The following DSCAM variants were observed in gnomAD, a reference collection of about 807,000 sequenced individuals.
DSCAM encodes the protein DS cell adhesion molecule, also known as cell adhesion molecule DSCAM.
DSCAM carries 47 observed loss-of-function variants against 217.7 expected under a neutral mutation model. That is an observed-to-expected ratio of 0.22 (90% confidence interval 0.17 to 0.28). The LOEUF (loss-of-function observed/expected upper bound fraction) is 0.28, where lower values mean the gene tolerates loss of function less well. Among genes scored for constraint, DSCAM ranks in the 10% least tolerant of loss-of-function variants. DSCAM has a pLI of 1.00. For missense variants in DSCAM, 2,080 were observed against 2,618.3 expected, an observed-to-expected ratio of 0.79 and a Z score of 4.49; for synonymous variants, 1,056 against 1,015.3, an observed-to-expected ratio of 1.04 and a Z score of -0.76.
At position 40,504,763 on chromosome 21, in the gene DSCAM, T is replaced by G. The variant is rs1341812911; in HGVS notation, c.509-135518A>C. ...GGACCTGATTATGGATCTCTGGGGG[T>G]GAAACTGCAAGTGCATTTTATTTAT... On this transcript the variant is annotated intron_variant, in intron 3 of 32. Transcript: ENST00000400454. Among the ~76,000 whole-genome samples the G allele has an allele frequency of 2.0e-5, 3 of 152,156 alleles. No individual in the cohort carries two copies. In the South Asian group the frequency reaches 6.2e-4, roughly 32 times the overall value.
intron 3 of DSCAM, among the ~76,000 whole-genome samples, chr21:40,569,132 G>C (rs184690392): frequency 6.6e-6 from 1 of 152,292 alleles, no homozygotes; most frequent in East Asian, 1.9e-4. Flanking sequence ...CTGGCCCCAG[G>C]GTGCCTTGCT....
intron 8 of DSCAM, among the ~76,000 whole-genome samples, chr21:40,321,600 G>A (rs1013387205): frequency 6.7e-6 from 1 of 148,314 alleles, no homozygotes; most frequent in Admixed American, 6.7e-5. Context: ...TTTCAATTGT[G>A]TCCTAACTGG....
chr21:40,556,328 C>T (rs2076671289), intron 3 of DSCAM, among the ~76,000 whole-genome samples: 1 of 152,116 alleles, frequency 6.6e-6, no homozygotes, highest in African/African-American at 2.4e-5. Flanking sequence ...ATAACAAAAA[C>T]AGGCAATTAA....
intron 15 of DSCAM, among the ~76,000 whole-genome samples, chr21:40,178,265 G>A (rs2090754709): frequency 6.6e-6 from 1 of 152,114 alleles, no homozygotes. Flanking sequence ...CTGTGTGCAT[G>A]TGCGTGTGTG....
At chr21:40,118,638 T>C (rs762408476) in intron 20 of DSCAM, among the ~76,000 whole-genome samples, 2 of 152,194 alleles carry the variant, frequency 1.3e-5, no homozygotes, top group Non-Finnish European at 2.9e-5. Flanking sequence ...TGACATGATG[T>C]CACTTTGCTC....
At chr21:40,806,506 A>AC (rs1461821644) in intron 1 of DSCAM, among the ~76,000 whole-genome samples, 1 of 152,258 alleles carries the variant, frequency 6.6e-6, no homozygotes, top group African/African-American at 2.4e-5. Flanking sequence ...GTAAAAAGTC[A>AC]CATAATTTAT....
chr21:40,669,661 C>A (rs1341104799), intron 3 of DSCAM, among the ~76,000 whole-genome samples: 2 of 151,744 alleles, frequency 1.3e-5, no homozygotes, highest in Non-Finnish European at 2.9e-5. Context: ...TCACTGCAAC[C>A]TCCATCTCCC....
chr21:40,768,434 C>T (rs909394581), intron 1 of DSCAM, among the ~76,000 whole-genome samples: 30 of 152,020 alleles, frequency 2.0e-4, no homozygotes, highest in African/African-American at 7.2e-4. Flanking sequence ...TGCATTTTCT[C>T]ATCCAGTGCT....
intron 3 of DSCAM, among the ~76,000 whole-genome samples, chr21:40,439,339 C>T (rs1014234653): frequency 6.6e-6 from 1 of 152,134 alleles, no homozygotes; most frequent in South Asian, 2.1e-4. Flanking sequence ...TATTCCAGTG[C>T]AGATCAGGCC....
chr21:40,347,588 T>C, intron 6 of DSCAM, 82 bp downstream of exon 6: 1 of 1,575,870 alleles, frequency 6.3e-7, no homozygotes, highest in Non-Finnish European at 8.6e-7. Flanking sequence ...CGATCAGCAC[T>C]GCTTCACCCT....
intron 3 of DSCAM, among the ~76,000 whole-genome samples, chr21:40,598,454 C>T (rs899316974): frequency 2.7e-5 from 4 of 149,602 alleles, no homozygotes; most frequent in African/African-American, 9.9e-5. Flanking sequence ...ATTGCTGGAT[C>T]CTATGGTAAG....
intron 2 of DSCAM, among the ~76,000 whole-genome samples, chr21:40,705,907 G>A (rs1314442344): frequency 3.3e-5 from 5 of 152,136 alleles, no homozygotes; most frequent in African/African-American, 1.2e-4. Context: ...GTTTGTGGCC[G>A]GGGTCGCTCA....
At chr21:40,646,586 G>A (rs916354391) in intron 3 of DSCAM, among the ~76,000 whole-genome samples, 2 of 152,214 alleles carry the variant, frequency 1.3e-5, no homozygotes, top group Non-Finnish European at 1.5e-5. Flanking sequence ...TTCCTTGGAT[G>A]AAATATTTAG....
chr21:40,554,200 T>G lies in DSCAM; in HGVS notation c.508+138610A>C, dbSNP rs1029813074. Reference sequence around the variant, plus strand: ...GGCTGTTTGTTTTGATTGTTAGTTTTTTTTTTTTTTTTTAATGCGACAAAT... The same window carrying G: ...GGCTGTTTGTTTTGATTGTTAGTTTGTTTTTTTTTTTTTAATGCGACAAAT... On this transcript the variant is annotated intron_variant, in intron 3 of 32. Transcript: ENST00000400454. 2.0e-5 allele frequency among the ~76,000 whole-genome samples: 3 copies of G among 151,726 alleles called. No homozygotes were observed. In the East Asian group the frequency reaches 5.8e-4, roughly 29 times the overall value.
Position 40,024,185 on chromosome 21 carries a change from T to C in DSCAM, c.5687-10799A>G, listed in dbSNP as rs62235580. 4.6e-5 allele frequency among the ~76,000 whole-genome samples: 3 copies of C among 65,024 alleles called. 1 individual carries two copies. Among genetic ancestry groups the C allele is most frequent in the Non-Finnish European group, 9.9e-5 (3 of 30,278 alleles). 42.7% of individuals were successfully genotyped at this position (65,024 alleles called of 152,430 possible). On this transcript the variant is annotated intron_variant, in intron 32 of 32. Transcript: ENST00000400454. ...GTCAAAGATCAGATAGTTGTAGATA[T>C]GCGGCATTATTTCTGAGGGCTCTGT... is the stretch of plus-strand genomic sequence containing the variant.
chr21:40,497,588 A>T (rs8129410), intron 3 of DSCAM, among the ~76,000 whole-genome samples: 1 of 152,212 alleles, frequency 6.6e-6, no homozygotes, highest in Non-Finnish European at 1.5e-5. Flanking sequence ...AACATATTGT[A>T]TTCCTGAAAA....
At chr21:40,781,374 C>T (rs113602266) in intron 1 of DSCAM, among the ~76,000 whole-genome samples, 17 of 152,236 alleles carry the variant, frequency 1.1e-4, no homozygotes, top group African/African-American at 4.1e-4. Context: ...TATAGAACGG[C>T]AGAACATCAG....
intron 11 of DSCAM, among the ~76,000 whole-genome samples, chr21:40,240,977 A>G (rs552073378): frequency 1.1e-4 from 16 of 152,342 alleles, no homozygotes; most frequent in African/African-American, 3.8e-4. Flanking sequence ...CACCACACGC[A>G]AAAATCAACT....
chr21:40,221,229 C>T (rs2091286567), intron 11 of DSCAM, among the ~76,000 whole-genome samples: 1 of 152,004 alleles, frequency 6.6e-6, no homozygotes, highest in South Asian at 2.1e-4. Flanking sequence ...CCCAGAACTA[C>T]ACTACCTGTC....
Sources: gnomAD v4.1 joint callset for allele counts (sites outside exome capture counted in the v4.1 genomes callset) on GRCh38, gnomAD v4.1.1 for gene constraint, MANE v1.5 for transcripts, NCBI Gene and HGNC (gene_info 2026-07-23, HGNC 2026-07-21) for gene names.